The following TLN2 variants were observed in gnomAD, a reference collection of about 807,000 sequenced individuals.
The protein encoded by TLN2 is talin 2.
In TLN2, 118 loss-of-function variants were observed where a neutral mutation model predicts 294.7. The observed-to-expected ratio is 0.40, with a 90% CI of 0.34 to 0.47. TLN2 has a LOEUF of 0.47. TLN2 is among the 20% of genes least tolerant of loss of function. TLN2 has a pLI of 0.84. For missense variants in TLN2, 3,083 were observed against 3,282.2 expected (o/e 0.94, Z 1.48); for synonymous variants, 1,431 against 1,304.5 (o/e 1.10, Z -2.09).
intron 13 of TLN2, among the ~76,000 whole-genome samples, chr15:62,693,318 C>T (rs577031623): frequency 2.0e-5 from 3 of 152,094 alleles, no homozygotes; most frequent in Non-Finnish European, 4.4e-5. Flanking sequence ...GGTGACAGAG[C>T]GAGATTCCAT....
chr15:62,651,766 A>G (rs1225623000), intron 5 of TLN2, among the ~76,000 whole-genome samples: 2 of 152,212 alleles, frequency 1.3e-5, no homozygotes, highest in East Asian at 3.8e-4. Flanking sequence ...AAATGCAGCA[A>G]TAACAGAGAT....
At chr15:62,406,292 C>T (rs539999462) in intron 1 of TLN2, among the ~76,000 whole-genome samples, 16 of 152,304 alleles carry the variant, frequency 1.1e-4, no homozygotes, top group South Asian at 4.1e-4. Context: ...ATCTTCTCCC[C>T]GTCTCTTCAT....
At chr15:62,392,335 C>A (rs2032165557) in intron 1 of TLN2, among the ~76,000 whole-genome samples, 1 of 152,184 alleles carries the variant, frequency 6.6e-6, no homozygotes, top group Admixed American at 6.5e-5. Context: ...TTGTCAAAGA[C>A]ATAATTAAAG....
chr15:62,548,939 C>T (rs1009224222), intron 1 of TLN2, among the ~76,000 whole-genome samples: 1 of 152,124 alleles, frequency 6.6e-6, no homozygotes, highest in Non-Finnish European at 1.5e-5. Flanking sequence ...TAGTTAGATC[C>T]ACTTGGAGTT....
chr15:62,689,452 C>T (rs62004602), intron 12 of TLN2, among the ~76,000 whole-genome samples: 43,298 of 152,002 alleles, frequency 0.28, 6,690 homozygotes, highest in East Asian at 0.66. Context: ...ATTACACTTC[C>T]CTTTATTTTT....
intron 1 of TLN2, among the ~76,000 whole-genome samples, chr15:62,541,673 A>G (rs575973672): frequency 4.9e-4 from 75 of 152,248 alleles, no homozygotes; most frequent in African/African-American, 1.6e-3. Context: ...ACACCTGACA[A>G]TATCCCCCTT....
chr15:62,474,669 T>A (rs2037685133), intron 1 of TLN2, among the ~76,000 whole-genome samples: 1 of 152,088 alleles, frequency 6.6e-6, no homozygotes, highest in Non-Finnish European at 1.5e-5. Flanking sequence ...ATGTGGAGGT[T>A]ATGGTAGTGT....
At chr15:62,400,295 G>T (rs969722685) in intron 1 of TLN2, among the ~76,000 whole-genome samples, 1 of 152,182 alleles carries the variant, frequency 6.6e-6, no homozygotes, top group African/African-American at 2.4e-5. Context: ...CCCAGTCTTG[G>T]ATATGTCCTT....
chr15:62,678,218 T>C (rs1447531349), intron 11 of TLN2, among the ~76,000 whole-genome samples: 2 of 152,200 alleles, frequency 1.3e-5, no homozygotes, highest in Non-Finnish European at 2.9e-5. Flanking sequence ...GGCCCATTAG[T>C]ATGACATTTT....
chr15:62,615,645 A>G (rs2048256330), intron 2 of TLN2, among the ~76,000 whole-genome samples: 1 of 152,214 alleles, frequency 6.6e-6, no homozygotes, highest in Admixed American at 6.5e-5. Flanking sequence ...GTGTGTATGT[A>G]TGTAGTTTAT....
intron 52 of TLN2, among the ~76,000 whole-genome samples, chr15:62,819,306 C>T (rs771266813): frequency 2.6e-5 from 4 of 152,170 alleles, no homozygotes; most frequent in Non-Finnish European, 4.4e-5. Flanking sequence ...CTTAGAGGCA[C>T]CACTGGTTCC....
At chr15:62,626,538 T>C (rs1361765940) in intron 3 of TLN2, among the ~76,000 whole-genome samples, 3 of 152,202 alleles carry the variant, frequency 2.0e-5, no homozygotes, top group Non-Finnish European at 4.4e-5. Flanking sequence ...CTCAATCCTT[T>C]GAAGCAATTG....
At chr15:62,720,196 A>G (rs1377461494) in intron 25 of TLN2, among the ~76,000 whole-genome samples, 1 of 152,228 alleles carries the variant, frequency 6.6e-6, no homozygotes, top group African/African-American at 2.4e-5. Context: ...GCCTAGGACT[A>G]GGCATTGCTT....
intron 42 of TLN2, among the ~76,000 whole-genome samples, chr15:62,774,353 C>G (rs532657674): frequency 2.2e-4 from 33 of 152,190 alleles, no homozygotes; most frequent in African/African-American, 7.7e-4. Context: ...ACAAGGAACC[C>G]CTCCGGAATC....
chr15:62,656,085 A>G lies in TLN2; in HGVS notation c.659A>G (p.Gln220Arg). ...DPVQLNLLYV[Q>R]ARDDILNGSH... ...GTGCAGCTGAACTTGCTTTATGTTC[A>G]GGTACAGTATTTACTGCTCAGACAC... The change falls in exon 8 of 59, where the codon CAG (glutamine) becomes CGG (arginine). Residue 220 changes from glutamine to arginine, a missense_variant and splice_region_variant. By Grantham distance (43) the Gln-to-Arg change is conservative (BLOSUM62 1). Coordinates refer to ENST00000636159, the MANE Select transcript of TLN2 (RefSeq NM_015059.3). 6.2e-7 allele frequency: 1 copy of G among 1,614,178 alleles called. No homozygotes were observed. Among genetic ancestry groups the G allele is most frequent in the Non-Finnish European group, 8.5e-7 (1 of 1,180,000 alleles).
intron 1 of TLN2, among the ~76,000 whole-genome samples, chr15:62,471,805 A>G (rs1234144407): frequency 1.3e-5 from 2 of 152,104 alleles, no homozygotes; most frequent in African/African-American, 4.8e-5. Flanking sequence ...GACACAAGAC[A>G]AATTCAGTAG....
At chr15:62,685,251 G>T (rs2057180836) in intron 11 of TLN2, among the ~76,000 whole-genome samples, 1 of 151,644 alleles carries the variant, frequency 6.6e-6, no homozygotes, top group Admixed American at 6.6e-5. Flanking sequence ...AAAACCAATT[G>T]TTTTTCTACA....
chr15:62,744,470 T>C (rs1405470776), intron 32 of TLN2, among the ~76,000 whole-genome samples: 1 of 149,562 alleles, frequency 6.7e-6, no homozygotes, highest in Non-Finnish European at 1.5e-5. Flanking sequence ...GGTCTGGAAC[T>C]CCTGGCCACA....
intron 1 of TLN2, among the ~76,000 whole-genome samples, chr15:62,448,746 C>T (rs979301907): frequency 1.3e-5 from 2 of 152,210 alleles, no homozygotes; most frequent in Admixed American, 6.5e-5. Flanking sequence ...TCTAGATTCA[C>T]TATGTTAGCC....
Sources: gnomAD v4.1 joint callset for allele counts (sites outside exome capture counted in the v4.1 genomes callset) on GRCh38, gnomAD v4.1.1 for gene constraint, MANE v1.5 for transcripts, NCBI Gene and HGNC (gene_info 2026-07-23, HGNC 2026-07-21) for gene names.